The following PNPT1 variants were observed in gnomAD, a reference collection of about 807,000 sequenced individuals.
PNPT1 encodes the protein polyribonucleotide nucleotidyltransferase 1.
In PNPT1, 53 loss-of-function variants were observed where a neutral mutation model predicts 119.5. The observed-to-expected ratio is 0.44, with a 90% CI of 0.36 to 0.56. The LOEUF (loss-of-function observed/expected upper bound fraction) is 0.56, where lower values mean the gene tolerates loss of function less well. Ranked by LOEUF, PNPT1 falls within the 20% of genes least tolerant of loss-of-function variation. The pLI, the probability that PNPT1 is intolerant of heterozygous loss-of-function variation, is 0.00. For missense variants in PNPT1, 948 were observed against 938.5 expected (o/e 1.01, Z -0.13); for synonymous variants, 357 against 322.1 (o/e 1.11, Z -1.16).
chr2:55,660,982 C>G (rs1696551042), intron 14 of PNPT1, among the ~76,000 whole-genome samples: 1 of 152,028 alleles, frequency 6.6e-6, no homozygotes, highest in Admixed American at 6.6e-5. Flanking sequence ...TTCTGAGACC[C>G]TTAACCAGGA....
intron 8 of PNPT1, 45 bp from the exon 9 acceptor site, chr2:55,673,124 CT>C (rs1246390947): frequency 1.4e-6 from 2 of 1,417,802 alleles, no homozygotes; most frequent in South Asian, 2.8e-5. Context: ...CATCGAAGCT[CT>C]TAGTAATATA....
chr2:55,687,322 C>A (rs528135857), intron 2 of PNPT1, among the ~76,000 whole-genome samples: 144 of 152,012 alleles, frequency 9.5e-4, no homozygotes, highest in Admixed American at 1.6e-3. Context: ...CGCCTGTAGT[C>A]CCAGCTACTC....
chr2:55,663,711 G>A (rs1696650362), intron 13 of PNPT1, among the ~76,000 whole-genome samples: 1 of 152,166 alleles, frequency 6.6e-6, no homozygotes, highest in Non-Finnish European at 1.5e-5. Context: ...GGGTGCGGTG[G>A]CTCATGCCTG....
In PNPT1 at chr2:55,644,675, G is replaced by C; in HGVS notation, c.1868C>G (p.Pro623Arg). The change falls in exon 23 of 28, where the codon CCT becomes CGT. Residue 623 changes from proline (P) to arginine (R), a missense_variant. Coordinates refer to ENST00000447944, the MANE Select transcript of PNPT1 (RefSeq NM_033109.5). ...PLSKRAKFVG[P>R]GGYNLKKLQA... Reference sequence around the variant, plus strand: ...AAGTTTTTTTAAGTTATAGCCACCAGGTCCAACAAATTTTGCTCGTTTTGA... The same window carrying C: ...AAGTTTTTTTAAGTTATAGCCACCACGTCCAACAAATTTTGCTCGTTTTGA... 6.2e-7 allele frequency: 1 copy of C among 1,612,614 alleles called. No homozygotes were observed. Among genetic ancestry groups the C allele is most frequent in the East Asian group, 2.2e-5 (1 of 44,740 alleles).
chr2:55,644,594 C>T, intron 23 of PNPT1, 43 bp downstream of exon 23: 1 of 1,445,344 alleles, frequency 6.9e-7, no homozygotes, highest in South Asian at 1.2e-5. Flanking sequence ...CTTTTATGGT[C>T]TAGCATTTAA....
At chr2:55,688,774 T>C (rs1294521904) in intron 1 of PNPT1, among the ~76,000 whole-genome samples, 1 of 151,454 alleles carries the variant, frequency 6.6e-6, no homozygotes, top group Non-Finnish European at 1.5e-5. Flanking sequence ...AACAAAAAAC[T>C]TTAGAATTTC....
rs1185469971 is a variant in PNPT1, at chr2:55,667,852, G to A, written c.1073+10C>T. ...CATACTTCAATTTCAACAAAAAAGG[G>A]TATGTTTACCTTTTGTATTCATTCA... On this transcript the variant is annotated intron_variant, in intron 12 of 27. Transcript: ENST00000447944. 1.3e-6 allele frequency: 2 copies of A among 1,595,968 alleles called. No individual in the cohort carries two copies. The highest frequency in any genetic ancestry group is 4.5e-5 in the East Asian group (2 of 43,972).
intron 7 of PNPT1, 33 bp downstream of exon 7, chr2:55,680,679 C>T: frequency 6.3e-7 from 1 of 1,581,924 alleles, no homozygotes; most frequent in South Asian, 1.2e-5. Context: ...AAAAAATACA[C>T]ATATGATTTC....
chr2:55,641,138 T>C (rs1188984927), intron 25 of PNPT1, among the ~76,000 whole-genome samples: 3 of 152,022 alleles, frequency 2.0e-5, no homozygotes, highest in African/African-American at 7.2e-5. Flanking sequence ...GCAGGAGAAT[T>C]GTTTGAACCC....
At chr2:55,671,286 C>A in intron 11 of PNPT1, 33 bp downstream of exon 11, 1 of 1,316,808 alleles carries the variant, frequency 7.6e-7, no homozygotes. Flanking sequence ...CTGCCCTCAG[C>A]AAAAAAATAA....
intron 13 of PNPT1, among the ~76,000 whole-genome samples, chr2:55,663,019 G>A (rs964827093): frequency 6.6e-6 from 1 of 151,984 alleles, no homozygotes; most frequent in Non-Finnish European, 1.5e-5. Context: ...TAAGTAGCTG[G>A]GACTACAGGT....
chr2:55,650,927 C>T (rs1208969378), intron 18 of PNPT1, among the ~76,000 whole-genome samples: 1 of 150,310 alleles, frequency 6.7e-6, no homozygotes, highest in East Asian at 2.0e-4. Flanking sequence ...GGCCAGCCGC[C>T]CCGTCCGGGA....
intron 3 of PNPT1, among the ~76,000 whole-genome samples, chr2:55,685,927 C>T (rs528197332): frequency 6.6e-6 from 1 of 152,008 alleles, no homozygotes; most frequent in African/African-American, 2.4e-5. Context: ...TACCGTATTG[C>T]GTAGGGAATG....
intron 8 of PNPT1, among the ~76,000 whole-genome samples, chr2:55,677,957 G>T (rs995361526): frequency 3.9e-5 from 6 of 152,024 alleles, no homozygotes; most frequent in Admixed American, 3.9e-4. Context: ...TAGCCAGGAT[G>T]GTCTCGATCT....
rs1695649862 is a variant in PNPT1, at chr2:55,635,690, C to CATT, written c.*544_*546dup. On this transcript the variant is annotated 3_prime_UTR_variant, in exon 28 of 28. Coordinates refer to ENST00000447944, the MANE Select transcript of PNPT1 (RefSeq NM_033109.5). ...ATGATTTGGTAACTAATTTGAAAGG[C>CATT]ATTATATTATCAAAAGTGTATCAGA... is the stretch of plus-strand genomic sequence containing the variant. 1 of 151,010 alleles carries CATT rather than the reference C, an allele frequency of 6.6e-6. No homozygotes were observed. The highest frequency in any genetic ancestry group is 2.4e-5 in the African/African-American group (1 of 41,176). 9.4% of individuals were successfully genotyped at this position (151,010 alleles called of 1,614,324 possible). A position where few individuals can be genotyped will look rare whatever the true frequency, so the allele number is the denominator to read the frequency against.
chr2:55,647,501 A>G, intron 18 of PNPT1, 48 bp from the exon 19 acceptor site: 1 of 1,405,552 alleles, frequency 7.1e-7, no homozygotes, highest in Non-Finnish European at 9.8e-7. Flanking sequence ...ACATGAGCCT[A>G]AAACAAATAT....
intron 18 of PNPT1, among the ~76,000 whole-genome samples, chr2:55,650,249 T>C (rs1197370517): frequency 1.3e-5 from 2 of 152,166 alleles, no homozygotes; most frequent in African/African-American, 4.8e-5. Flanking sequence ...GCTGCCTGAT[T>C]CTCCTGCCTC....
intron 8 of PNPT1, among the ~76,000 whole-genome samples, chr2:55,675,843 C>T (rs1363341515): frequency 6.6e-6 from 1 of 152,196 alleles, no homozygotes; most frequent in Non-Finnish European, 1.5e-5. Flanking sequence ...TCCTCAGTTA[C>T]TCTAGCCACA....
At chr2:55,661,091 CTTTTTTTTTTTTT>C (rs1171064705) in intron 14 of PNPT1, among the ~76,000 whole-genome samples, 2 of 71,598 alleles carry the variant, frequency 2.8e-5, no homozygotes, top group African/African-American at 6.3e-5. Flanking sequence ...AATAGAGATT[CTTTTTTTTTTTTT>C]TTTTTTTTTT....
Sources: allele counts gnomAD v4.1 joint callset (sites outside exome capture counted in the v4.1 genomes callset), GRCh38; gene constraint gnomAD v4.1.1; transcripts MANE v1.5; gene names NCBI Gene and HGNC (gene_info 2026-07-23, HGNC 2026-07-21).